PLCE1: variants seen among roughly 807,000 people sequenced by gnomAD.
PLCE1 encodes the protein phospholipase C epsilon 1, also known as 1-phosphatidylinositol 4,5-bisphosphate phosphodiesterase epsilon-1.
In PLCE1, 119 loss-of-function variants were observed where a neutral mutation model predicts 242.8. The observed-to-expected ratio is 0.49, with a 90% confidence interval of 0.42 to 0.57. The LOEUF is 0.57. Ranked by LOEUF, PLCE1 falls within the 20% of genes least tolerant of loss-of-function variation. PLCE1 has a pLI of 0.00. For synonymous variants in PLCE1, 945 were observed against 1,017.4 expected, an observed-to-expected ratio of 0.93 and a Z score of 1.35; for missense variants, 2,441 against 2,788.8, an observed-to-expected ratio of 0.88 and a Z score of 2.81.
chr10:94,133,026 T>A (rs1202033499), intron 3 of PLCE1, among the ~76,000 whole-genome samples: 1 of 152,218 alleles, frequency 6.6e-6, no homozygotes, highest in African/African-American at 2.4e-5. Flanking sequence ...TCTTTAATTT[T>A]TTTTTAAATG....
At chr10:93,996,418 G>C (rs564228170) in intron 1 of PLCE1, among the ~76,000 whole-genome samples, 10 of 152,316 alleles carry the variant, frequency 6.6e-5, no homozygotes, top group Admixed American at 3.3e-4. Flanking sequence ...AGGTGATTAG[G>C]AAACATGGTG....
chr10:94,149,601 A>T (rs1400910697), intron 3 of PLCE1, among the ~76,000 whole-genome samples: 2 of 152,222 alleles, frequency 1.3e-5, no homozygotes, highest in Admixed American at 1.3e-4. Context: ...TAAAATTCCC[A>T]GATAAAAACC....
intron 18 of PLCE1, among the ~76,000 whole-genome samples, chr10:94,271,332 T>G (rs2051724987): frequency 7.8e-6 from 1 of 128,162 alleles, no homozygotes; most frequent in Non-Finnish European, 1.7e-5. Context: ...TTTTTTTTTT[T>G]GCGATGGAGT....
chr10:94,289,211 G>A (rs947284149), intron 22 of PLCE1, among the ~76,000 whole-genome samples: 4 of 152,012 alleles, frequency 2.6e-5, no homozygotes, highest in Admixed American at 1.3e-4. Context: ...ACAGCTTTTC[G>A]GACCTATAGT....
chr10:94,135,002 A>G (rs144988035), intron 3 of PLCE1, among the ~76,000 whole-genome samples: 2 of 152,270 alleles, frequency 1.3e-5, no homozygotes, highest in East Asian at 1.9e-4. Context: ...CTGACTTACT[A>G]TCTTGGAAAC....
At chr10:94,271,102 C>T (rs1042520819) in intron 18 of PLCE1, among the ~76,000 whole-genome samples, 22 of 151,996 alleles carry the variant, frequency 1.4e-4, no homozygotes, top group African/African-American at 5.3e-4. Context: ...CTGGGATGGT[C>T]CCTATTTTCA....
chr10:94,047,207 C>G (rs1264710659), intron 2 of PLCE1, among the ~76,000 whole-genome samples: 1 of 152,102 alleles, frequency 6.6e-6, no homozygotes, highest in Admixed American at 6.5e-5. Context: ...GGGACCCTGA[C>G]AGAATAGCTA....
intron 1 of PLCE1, among the ~76,000 whole-genome samples, chr10:94,008,656 T>C (rs2061100417): frequency 6.6e-6 from 1 of 152,312 alleles, no homozygotes; most frequent in Admixed American, 6.5e-5. Context: ...AGAATATGCC[T>C]TGTTTCCAAC....
chr10:94,179,907 A>C (rs2048254755), intron 4 of PLCE1, among the ~76,000 whole-genome samples: 1 of 151,788 alleles, frequency 6.6e-6, no homozygotes, highest in Non-Finnish European at 1.5e-5. Flanking sequence ...CAGGGACCAA[A>C]GACACAGTAG....
At chr10:94,086,785 CA>C (rs1345186565) in intron 2 of PLCE1, among the ~76,000 whole-genome samples, 1 of 152,232 alleles carries the variant, frequency 6.6e-6, no homozygotes, top group Non-Finnish European at 1.5e-5. Context: ...GGTCTGCCTC[CA>C]GTCCCTATTT....
At chr10:94,115,823 C>T (rs917623263) in intron 2 of PLCE1, among the ~76,000 whole-genome samples, 10 of 152,144 alleles carry the variant, frequency 6.6e-5, no homozygotes, top group African/African-American at 2.2e-4. Flanking sequence ...CTGTGGCTTC[C>T]TCTTGACTCC....
At chr10:94,004,927 T>C (rs1417856207) in intron 1 of PLCE1, among the ~76,000 whole-genome samples, 4 of 152,228 alleles carry the variant, frequency 2.6e-5, no homozygotes. Context: ...CCAACAGTTA[T>C]TTATTTATGG....
chr10:94,171,131 A>T, intron 3 of PLCE1, 49 bp from the exon 4 acceptor site: 2 of 1,415,470 alleles, frequency 1.4e-6, no homozygotes, highest in Middle Eastern at 1.8e-4. Flanking sequence ...TATCTGTTGC[A>T]GGGGACACCA....
intron 3 of PLCE1, among the ~76,000 whole-genome samples, chr10:94,149,152 A>G (rs1047401257): frequency 6.6e-6 from 1 of 152,220 alleles, no homozygotes; most frequent in Non-Finnish European, 1.5e-5. Flanking sequence ...GCACCATTGT[A>G]AGAAATCTAC....
rs1429917119 is a variant in PLCE1, at chr10:94,296,700, C to T, written c.5168-1679C>T. 2.0e-5 allele frequency among the ~76,000 whole-genome samples: 3 copies of T among 152,300 alleles called. No individual in the cohort carries two copies. The East Asian group carries it at 5.8e-4, about 29-fold the overall frequency. ...CCATATCAGTAATAAGGCTGTTTGG[C>T]TTCCTTATCATTTGTGTGTTCACTG... On this transcript the variant is annotated intron_variant, in intron 23 of 32. Transcript: ENST00000371380.
chr10:94,285,833 C>A (rs2052424420), intron 22 of PLCE1, among the ~76,000 whole-genome samples: 1 of 152,122 alleles, frequency 6.6e-6, no homozygotes, highest in Non-Finnish European at 1.5e-5. Context: ...AGATTTCCCC[C>A]AATTGACCGT....
chr10:94,255,914 A>ACACACACACTCTCT (rs1284531207), intron 11 of PLCE1, among the ~76,000 whole-genome samples: 1 of 67,326 alleles, frequency 1.5e-5, no homozygotes, highest in Admixed American at 1.8e-4. Flanking sequence ...ACACACACAC[A>ACACACACACTCTCT]CTCTCTCTCT....
At chr10:94,134,490 A>G (rs2046705258) in intron 3 of PLCE1, among the ~76,000 whole-genome samples, 1 of 152,250 alleles carries the variant, frequency 6.6e-6, no homozygotes, top group Non-Finnish European at 1.5e-5. Context: ...CTCACCACAA[A>G]CAATGATAAG....
chr10:94,175,384 TTC>T, intron 4 of PLCE1, among the ~76,000 whole-genome samples: 6 of 152,126 alleles, frequency 3.9e-5, no homozygotes, highest in African/African-American at 1.2e-4. Context: ...CATTCATTCA[TTC>T]ATTCATTCAC....
Sources: allele counts gnomAD v4.1 joint callset (sites outside exome capture counted in the v4.1 genomes callset), GRCh38; gene constraint gnomAD v4.1.1; transcripts MANE v1.5; gene names NCBI Gene and HGNC (gene_info 2026-07-23, HGNC 2026-07-21).